The following ACOT7 variants were observed in gnomAD, a reference collection of about 807,000 sequenced individuals.
ACOT7 encodes the protein acyl-CoA thioesterase 7.
ACOT7 carries 12 observed loss-of-function variants against 40.2 expected under a neutral mutation model. The ratio of observed to expected loss-of-function variants is 0.30; its 90% CI spans 0.19 to 0.48. The LOEUF (loss-of-function observed/expected upper bound fraction) is 0.48. Ranked by LOEUF, ACOT7 falls within the 20% of genes least tolerant of loss-of-function variation. ACOT7 has a pLI of 0.99. For missense variants in ACOT7, 395 were observed against 530.8 expected (o/e 0.74, Z 2.51); for synonymous variants, 228 against 219.5 (o/e 1.04, Z -0.34).
At chr1:6,379,096 G>A (rs148379076) in intron 1 of ACOT7, among the ~76,000 whole-genome samples, 4 of 151,912 alleles carry the variant, frequency 2.6e-5, no homozygotes, top group East Asian at 1.9e-4. Context: ...GGGTTTCACC[G>A]TGTTAGCCAG....
At chr1:6,293,377 C>T (rs1360521820) in intron 7 of ACOT7, among the ~76,000 whole-genome samples, 1 of 152,182 alleles carries the variant, frequency 6.6e-6, no homozygotes, top group African/African-American at 2.4e-5. Context: ...ACAGATTCTC[C>T]TGCAGAGTCA....
At chr1:6,340,618 G>C (rs1023642663) in intron 2 of ACOT7, among the ~76,000 whole-genome samples, 1 of 152,124 alleles carries the variant, frequency 6.6e-6, no homozygotes, top group Non-Finnish European at 1.5e-5. Context: ...TGCCTGGCTC[G>C]TTTCACAGTT....
At chr1:6,361,428 T>C (rs527607235) in intron 1 of ACOT7, among the ~76,000 whole-genome samples, 12 of 152,184 alleles carry the variant, frequency 7.9e-5, no homozygotes, top group Non-Finnish European at 1.6e-4. Flanking sequence ...GCCTTGTGAA[T>C]CCATTAAGGT....
At chr1:6,350,386 T>C (rs1641557351) in intron 1 of ACOT7, among the ~76,000 whole-genome samples, 1 of 152,194 alleles carries the variant, frequency 6.6e-6, no homozygotes, top group African/African-American at 2.4e-5. Context: ...GCCTGCCCAC[T>C]GCGCGCTAAG....
intron 8 of ACOT7, among the ~76,000 whole-genome samples, chr1:6,272,165 G>A (rs1639055270): frequency 6.6e-6 from 1 of 152,276 alleles, no homozygotes; most frequent in Non-Finnish European, 1.5e-5. Flanking sequence ...GCTATGCCCT[G>A]TGGAGCCCTT....
chr1:6,328,174 C>G (rs1288353555), intron 4 of ACOT7, among the ~76,000 whole-genome samples: 1 of 152,078 alleles, frequency 6.6e-6, no homozygotes, highest in Non-Finnish European at 1.5e-5. Context: ...AAGGGATCCT[C>G]AAAAAGGCCC....
rs199792713 is a variant in ACOT7, at chr1:6,294,840, C to T, written c.829+24G>A. On this transcript the variant is annotated intron_variant, in intron 7 of 8. Transcript: ENST00000361521. The surrounding 1 kb of genome is among the most constrained non-coding windows in gnomAD (Gnocchi z 4.6). ...AGCAGCCGAGGGCCACTGCCTCCCT[C>T]GTCTTTGCCAGAAGAGTGGTTACCT... 5.3e-5 allele frequency: 85 copies of T among 1,604,140 alleles called. No homozygotes were observed. In the Admixed American group the frequency reaches 6.0e-4, roughly 11 times the overall value.
In ACOT7 at chr1:6,306,765, T is replaced by G; in HGVS notation, c.712+11727A>C. The G allele has an allele frequency of 7.8e-7, 1 of 1,275,084 alleles. No individual in the cohort carries two copies. Among genetic ancestry groups the G allele is most frequent in the Non-Finnish European group, 1.0e-6 (1 of 978,846 alleles). The allele number at this position is 1,275,084 out of a possible 1,614,324, so 79.0% of individuals were successfully genotyped here. A position where few individuals can be genotyped will look rare whatever the true frequency, so the allele number is the denominator to read the frequency against. ...CCTTTTTCCTTCCTTGCCCCAACAC[T>G]GAGGGTCTGGTGTGTTGTGTCCCAC... On this transcript the variant is annotated intron_variant, in intron 6 of 8. Transcript: ENST00000361521. This position sits in a 1 kb window ranked among gnomAD's most constrained non-coding sequence, Gnocchi z 4.3.
At position 6,330,343 on chromosome 1, in the gene ACOT7, C is replaced by T. The variant is rs142812944; in HGVS notation, c.511-2930G>A. Among the ~76,000 whole-genome samples, 5 of 152,202 alleles carry T rather than the reference C, an allele frequency of 3.3e-5. No individual in the cohort carries two copies. The highest frequency in any genetic ancestry group is 3.4e-3 in the Middle Eastern group (1 of 294). On this transcript the variant is annotated intron_variant, in intron 4 of 8. Coordinates refer to ENST00000361521, the MANE Select transcript of ACOT7 (RefSeq NM_007274.4). This position sits in a 1 kb window ranked among gnomAD's most constrained non-coding sequence, Gnocchi z 4.6. Reference sequence around the variant, plus strand: ...TGGGATTCCTAAGCAGGCCTCTGGCCGGGCCCACCAGTGAAAAACAGGAGA... The same window carrying T: ...TGGGATTCCTAAGCAGGCCTCTGGCTGGGCCCACCAGTGAAAAACAGGAGA...
intron 3 of ACOT7, among the ~76,000 whole-genome samples, chr1:6,337,284 G>A (rs1361017388): frequency 1.3e-5 from 2 of 152,206 alleles, no homozygotes; most frequent in Non-Finnish European, 2.9e-5. Flanking sequence ...GCTGGTGGGG[G>A]CTGCTCTCTC....
chr1:6,290,754 T>C (rs990178263), intron 7 of ACOT7, among the ~76,000 whole-genome samples: 1 of 152,208 alleles, frequency 6.6e-6, no homozygotes, highest in African/African-American at 2.4e-5. Flanking sequence ...CCCTGCCATT[T>C]AGAGGAAAGG....
intron 1 of ACOT7, among the ~76,000 whole-genome samples, chr1:6,357,480 C>G (rs957703026): frequency 6.6e-6 from 1 of 152,226 alleles, no homozygotes; most frequent in Admixed American, 6.5e-5. Flanking sequence ...GCACCAGGTG[C>G]GTGTGCTCCA....
chr1:6,387,770 G>A (rs552056147), intron 1 of ACOT7, among the ~76,000 whole-genome samples: 237 of 152,254 alleles, frequency 1.6e-3, no homozygotes, highest in Non-Finnish European at 2.9e-3. Flanking sequence ...TTGGACAGTG[G>A]GTAGACAAAG....
chr1:6,281,612 C>T (rs893713415), intron 7 of ACOT7, among the ~76,000 whole-genome samples: 3 of 152,206 alleles, frequency 2.0e-5, no homozygotes, highest in Non-Finnish European at 2.9e-5. Flanking sequence ...TGTGCCCCCA[C>T]GGGGGAGGCC....
chr1:6,370,630 CA>C lies in ACOT7; in HGVS notation c.144-20765del, dbSNP rs370047244. ...TCAGCCTCCCAAGTAGCTGGGATTACAGGCATGCACCACCATGCCCAACTAA... is the reference window on the plus strand; with the variant it reads ...TCAGCCTCCCAAGTAGCTGGGATTACGGCATGCACCACCATGCCCAACTAA... On this transcript the variant is annotated intron_variant, in intron 1 of 8. Transcript: ENST00000361521. Among the ~76,000 whole-genome samples, 97 of 145,718 alleles carry C rather than the reference CA, an allele frequency of 6.7e-4. 1 individual carries two copies. The East Asian group carries it at 0.018, about 27-fold the overall frequency.
chr1:6,383,520 T>C lies in ACOT7; in HGVS notation c.143+9737A>G, dbSNP rs560544338. ...GATTTTTTTAACGGTAAATTATATA[T>C]TATGTGTATTTTAACACAGTTTTTT... On this transcript the variant is annotated intron_variant, in intron 1 of 8. Coordinates refer to ENST00000361521, the MANE Select transcript of ACOT7 (RefSeq NM_007274.4). Among the ~76,000 whole-genome samples, 3 of 148,676 alleles carry C rather than the reference T, an allele frequency of 2.0e-5. No homozygotes were observed. In the South Asian group the frequency reaches 6.3e-4, roughly 31 times the overall value.
At chr1:6,290,875 G>GT (rs1042581325) in intron 7 of ACOT7, among the ~76,000 whole-genome samples, 1 of 152,206 alleles carries the variant, frequency 6.6e-6, no homozygotes, top group Non-Finnish European at 1.5e-5. Flanking sequence ...CTTGCCAGCT[G>GT]TATGACTGCT....
At chr1:6,277,867 G>A (rs909133391) in intron 8 of ACOT7, among the ~76,000 whole-genome samples, 1 of 152,218 alleles carries the variant, frequency 6.6e-6, no homozygotes, top group Non-Finnish European at 1.5e-5. Context: ...GAGAGCAGGT[G>A]AACAGCAGCA....
chr1:6,330,727 G>A lies in ACOT7; in HGVS notation c.510+2750C>T, dbSNP rs1041263713. On this transcript the variant is annotated intron_variant, in intron 4 of 8. Transcript: ENST00000361521. The surrounding 1 kb of genome is among the most constrained non-coding windows in gnomAD (Gnocchi z 4.6). ...GGGATGGGAGCCAGGGGAGTCAGAA[G>A]CTACCCGTCCCCTCCACTGGCCAAA... Among the ~76,000 whole-genome samples the A allele has an allele frequency of 3.3e-5, 5 of 152,158 alleles. No homozygotes were observed. The highest frequency in any genetic ancestry group is 5.9e-5 in the Non-Finnish European group (4 of 68,022).
Sources: allele counts gnomAD v4.1 joint callset (sites outside exome capture counted in the v4.1 genomes callset), GRCh38; gene constraint gnomAD v4.1.1; non-coding constraint Gnocchi (gnomAD v3.1); transcripts MANE v1.5; gene names NCBI Gene and HGNC (gene_info 2026-07-23, HGNC 2026-07-21).